Variants in UTP20 observed in about 807,000 individuals in gnomAD.
UTP20 encodes the protein UTP20 small subunit processome component, also known as small subunit processome component 20 homolog.
In UTP20, 164 loss-of-function variants were observed where a neutral mutation model predicts 329.5. The observed-to-expected ratio is 0.50, with a 90% CI of 0.44 to 0.57. The LOEUF is 0.57. Ranked by LOEUF, UTP20 falls within the 20% of genes least tolerant of loss-of-function variation. The pLI is 0.00. For synonymous variants in UTP20, 1,151 were observed against 1,159.3 expected, an observed-to-expected ratio of 0.99 and a Z score of 0.14; for missense variants, 3,055 against 3,284.2, an observed-to-expected ratio of 0.93 and a Z score of 1.71.
Position 101,361,999 on chromosome 12 carries a change from A to C in UTP20, c.5729A>C (p.Gln1910Pro). The change falls in exon 44 of 62, where the codon CAA becomes CCA. Residue 1910 changes from glutamine to proline, a missense_variant. Around this residue, in one of 3 missense-constraint regions of UTP20, gnomAD observed 2,445 missense variants for 2,575.5 expected, o/e 0.95. Transcript: ENST00000261637. ...VLTFTVHMLL[Q>P]GLTNKLQVGD... ...ACTTTCACCGTTCACATGCTGCTGCAAGGCCTCACCAATAAGCTGCAGGTC... is the reference window on the plus strand; with the variant it reads ...ACTTTCACCGTTCACATGCTGCTGCCAGGCCTCACCAATAAGCTGCAGGTC... 1 of 1,613,764 alleles carries C rather than the reference A, an allele frequency of 6.2e-7. No homozygotes were observed. Among genetic ancestry groups the C allele is most frequent in the Non-Finnish European group, 8.5e-7 (1 of 1,179,772 alleles).
intron 8 of UTP20, 41 bp downstream of exon 8, chr12:101,290,929 C>T: frequency 6.3e-7 from 1 of 1,579,494 alleles, no homozygotes; most frequent in Non-Finnish European, 8.6e-7. Flanking sequence ...GATAAGGAGT[C>T]TAAGAATTTA....
At position 101,342,809 on chromosome 12, in the gene UTP20, G is replaced by A. The variant is rs775896086; in HGVS notation, c.4268G>A (p.Gly1423Glu). ...CAGACTCTTTCTGATTTTGAGAGTGGGTTAAAATATATTACTGATGTTGTC... is the reference window on the plus strand; with the variant it reads ...CAGACTCTTTCTGATTTTGAGAGTGAGTTAAAATATATTACTGATGTTGTC... ...VFETLSDFES[G>E]LKYITDVVKL... The change falls in exon 34 of 62, where the codon GGG (glycine) becomes GAG (glutamate). Residue 1423 changes from glycine to glutamate, a missense_variant. By Grantham distance (98) the Gly-to-Glu change is moderately conservative. Transcript: ENST00000261637. 14 of 1,613,234 alleles carry A rather than the reference G, an allele frequency of 8.7e-6. No homozygotes were observed. Among genetic ancestry groups the A allele is most frequent in the East Asian group, 2.2e-5 (1 of 44,848 alleles).
intron 26 of UTP20, 25 bp from the exon 27 acceptor site, chr12:101,329,216 C>T: frequency 6.3e-7 from 1 of 1,593,180 alleles, no homozygotes; most frequent in Non-Finnish European, 8.6e-7. Flanking sequence ...CCTTACATGA[C>T]CTCTCGTCCT....
intron 8 of UTP20, 82 bp downstream of exon 8, chr12:101,290,970 C>G: frequency 1.4e-6 from 2 of 1,391,632 alleles, no homozygotes; most frequent in Non-Finnish European, 2.0e-6. Flanking sequence ...GCAAATCACT[C>G]CTAGAAGTTA....
intron 39 of UTP20, among the ~76,000 whole-genome samples, chr12:101,352,611 A>G (rs970151567): frequency 6.9e-6 from 1 of 144,798 alleles, no homozygotes; most frequent in Non-Finnish European, 1.5e-5. Flanking sequence ...GAATTGAACA[A>G]TGAGAACACA....
chr12:101,376,677 C>T (rs755403509), intron 56 of UTP20, among the ~76,000 whole-genome samples: 29 of 151,906 alleles, frequency 1.9e-4, no homozygotes, highest in African/African-American at 6.3e-4. Flanking sequence ...GACAGTGTCT[C>T]GCTCTGTCAC....
chr12:101,363,454 T>G lies in UTP20; in HGVS notation c.5791-122T>G, dbSNP rs554310559. The G allele has an allele frequency of 1.1e-4, 86 of 807,686 alleles. 1 individual carries two copies. In the South Asian group the frequency reaches 1.8e-3, roughly 17 times the overall value. 50.0% of individuals were successfully genotyped at this position (807,686 alleles called of 1,614,324 possible). ...TAAAAGAAATTTCTTCCATCTAATT[T>G]GAGTCCAGTCCAACTTGCATTTCTT... On this transcript the variant is annotated intron_variant, in intron 44 of 61. Transcript: ENST00000261637.
intron 61 of UTP20, 109 bp downstream of exon 61, chr12:101,385,837 G>A: frequency 6.7e-7 from 1 of 1,498,148 alleles, no homozygotes; most frequent in Non-Finnish European, 8.9e-7. Context: ...TTGAGCGGTT[G>A]GGGACTTTAT....
At chr12:101,313,699 A>T (rs1303309506) in intron 21 of UTP20, among the ~76,000 whole-genome samples, 1 of 151,604 alleles carries the variant, frequency 6.6e-6, no homozygotes, top group Non-Finnish European at 1.5e-5. Flanking sequence ...CCAGCAGATC[A>T]GATGTGGGAC....
chr12:101,291,770 TA>T lies in UTP20; in HGVS notation c.922del (p.Thr308GlnfsTer23). Reference sequence around the variant, plus strand: ...TCGCTCTTGGATCTACACACAAAAGTAACAAAAACTAACTGTTGTGAAAGTT... The same window carrying T: ...TCGCTCTTGGATCTACACACAAAAGTACAAAAACTAACTGTTGTGAAAGTT... The part of the protein sequence containing the change: ...QESLLDLHTK[V>X]TKTNCCESSE... On this transcript the variant is annotated frameshift_variant, in exon 9 of 62. Transcript: ENST00000261637. LOFTEE classifies it high-confidence loss of function. 6.2e-7 allele frequency: 1 copy of T among 1,601,924 alleles called. No homozygotes were observed. The highest frequency in any genetic ancestry group is 8.5e-7 in the Non-Finnish European group (1 of 1,175,386).
intron 57 of UTP20, 91 bp from the exon 58 acceptor site, chr12:101,381,049 T>G: frequency 9.1e-7 from 1 of 1,101,464 alleles, no homozygotes; most frequent in South Asian, 1.3e-5. Flanking sequence ...ATCCAGTACG[T>G]TAGTTGTATT....
At chr12:101,294,635 C>T (rs71464265) in intron 11 of UTP20, among the ~76,000 whole-genome samples, 12,441 of 151,678 alleles carry the variant, frequency 0.082, 672 homozygotes, top group Middle Eastern at 0.14. Context: ...CTCCACCCTC[C>T]GGGTTCAAGT....
At position 101,349,376 on chromosome 12, in the gene UTP20, T is replaced by C. The variant is rs561141269; in HGVS notation, c.4885-2679T>C. The stretch of plus-strand genomic sequence containing the variant: ...ATTGACCTTCTTGAATATGTAGATA[T>C]GTAGTTTGCATCAAACTTGAAAATT... On this transcript the variant is annotated intron_variant, in intron 38 of 61. Transcript: ENST00000261637. 4.6e-5 allele frequency among the ~76,000 whole-genome samples: 7 copies of C among 151,894 alleles called. No homozygotes were observed. In the East Asian group the frequency reaches 7.7e-4, roughly 17 times the overall value.
rs1344606653 is a variant in UTP20, at chr12:101,385,666, G to A, written c.8140G>A (p.Ala2714Thr). ...VGLESFSLAF[A>T]SVQKQANEKR... ...GCTTGAGAGCTTCTCATTAGCCTTTGCCTCTGTACAGAAACAGGCTAATGA... is the reference window on the plus strand; with the variant it reads ...GCTTGAGAGCTTCTCATTAGCCTTTACCTCTGTACAGAAACAGGCTAATGA... The change falls in exon 61 of 62, where the codon GCC becomes ACC. Residue 2714 changes from alanine (A) to threonine (T), a missense_variant. Ala to Thr is a moderately conservative substitution (Grantham distance 58). Coordinates refer to ENST00000261637, the MANE Select transcript of UTP20 (RefSeq NM_014503.3). The A allele has an allele frequency of 3.1e-6, 5 of 1,613,826 alleles. No individual in the cohort carries two copies. In the South Asian group the frequency reaches 3.3e-5, roughly 11 times the overall value.
chr12:101,348,247 A>G (rs896677110), intron 38 of UTP20, among the ~76,000 whole-genome samples: 12 of 152,332 alleles, frequency 7.9e-5, no homozygotes, highest in African/African-American at 2.6e-4. Flanking sequence ...CAACCTTTTA[A>G]CTGGTATGTA....
chr12:101,319,567 G>A lies in UTP20; in HGVS notation c.2761G>A (p.Val921Ile), dbSNP rs376164687. Residue 921 changes from valine (V) to isoleucine (I), a missense_variant, in exon 23 of 62, where the codon GTT becomes ATT. By Grantham distance (29) the Val-to-Ile change is conservative. Transcript: ENST00000261637. ...AAKQLIAHLQVFSKFSNPRAL... is the reference protein window; with the variant it reads ...AAKQLIAHLQIFSKFSNPRAL... ...TAGGCAATTAATTGCTCATTTGCAA[G>A]TTTTCTCTAAATTTTCAAATCCACG... 8.5e-5 allele frequency: 137 copies of A among 1,607,128 alleles called. No homozygotes were observed. The Middle Eastern group carries it at 9.9e-4, about 12-fold the overall frequency.
rs760272496 is a variant in UTP20 at position 101,290,806 on chromosome 12, G to A, written c.809G>A (p.Gly270Glu). Residue 270 changes from glycine to glutamate, a missense_variant, in exon 8 of 62, where the codon GGA becomes GAA. This residue lies in a region of UTP20 where 2,445 missense variants were observed against 2,575.5 expected (regional missense o/e 0.95). Coordinates refer to ENST00000261637, the MANE Select transcript of UTP20 (RefSeq NM_014503.3). ...ACTCAACTACCATGGATGTTAATTG[G>A]AGAAACACTCAAAAACATGGTCAAA... ...TETQLPWMLIGETLKNMVKST... is the reference protein window; with the variant it reads ...TETQLPWMLIEETLKNMVKST... 1.2e-5 allele frequency: 20 copies of A among 1,613,838 alleles called. No individual in the cohort carries two copies. The South Asian group carries it at 2.2e-4, about 18-fold the overall frequency.
At chr12:101,375,474 C>A in intron 55 of UTP20, 150 bp from the exon 56 acceptor site, 2 of 719,320 alleles carry the variant, frequency 2.8e-6, no homozygotes, top group Non-Finnish European at 2.3e-6. Context: ...GTGCACATGG[C>A]AGCCCCCACA....
In UTP20 at chr12:101,285,017, T is replaced by C. The variant is rs546410989; in HGVS notation, c.127-553T>C. Among the ~76,000 whole-genome samples the C allele has an allele frequency of 3.3e-5, 5 of 152,316 alleles. No homozygotes were observed. In the East Asian group the frequency reaches 9.6e-4, roughly 29 times the overall value. ...TAGCCACATAATATACCTTAGTATA[T>C]ATAGACCATGGGCTATTCCAACCAT... On this transcript the variant is annotated intron_variant, in intron 2 of 61. Coordinates refer to ENST00000261637, the MANE Select transcript of UTP20 (RefSeq NM_014503.3).
Sources: gnomAD v4.1 joint callset for allele counts (sites outside exome capture counted in the v4.1 genomes callset) on GRCh38, gnomAD v4.1.1 for gene constraint, gnomAD v4.1.1 regional missense constraint, MANE v1.5 for transcripts, NCBI Gene and HGNC (gene_info 2026-07-23, HGNC 2026-07-21) for gene names.